Variants in NR6A1 observed in about 807,000 individuals in gnomAD.
NR6A1 encodes retinoic acid receptor-related testis-associated receptor.
Under a neutral mutation model 59.1 loss-of-function variants are expected in NR6A1, and 7 were observed. The ratio of observed to expected loss-of-function variants is 0.12; its 90% CI spans 0.07 to 0.22. The LOEUF (loss-of-function observed/expected upper bound fraction) is 0.22, where lower values mean the gene tolerates loss of function less well. Among genes scored for constraint, NR6A1 ranks in the 10% least tolerant of loss-of-function variants. NR6A1 has a pLI of 1.00. For missense variants in NR6A1, 468 were observed against 611.6 expected, an observed-to-expected ratio of 0.77 and a Z score of 2.48; for synonymous variants, 243 against 236.1, an observed-to-expected ratio of 1.03 and a Z score of -0.27.
intron 2 of NR6A1, among the ~76,000 whole-genome samples, chr9:124,671,865 A>C (rs1468533028): frequency 6.6e-6 from 1 of 152,220 alleles, no homozygotes; most frequent in Non-Finnish European, 1.5e-5. Flanking sequence ...CATCTCAAAC[A>C]GTTCAACGAA....
Position 124,715,508 on chromosome 9 carries a change from C to T in NR6A1, c.142+17800G>A, listed in dbSNP as rs562482204. On this transcript the variant is annotated intron_variant, in intron 2 of 9. Coordinates refer to ENST00000487099, the MANE Select transcript of NR6A1 (RefSeq NM_033334.4). ...TATGGATTGCACCACTGTACTCCAG[C>T]CTCAGTAACAGAGTGAGACCTAGTC... Among the ~76,000 whole-genome samples, 11 of 152,080 alleles carry T rather than the reference C, an allele frequency of 7.2e-5. 1 individual carries two copies. Among genetic ancestry groups the T allele is most frequent in the Admixed American group, 5.2e-4 (8 of 15,254 alleles).
At chr9:124,589,314 CG>C (rs1406593937) in intron 2 of NR6A1, among the ~76,000 whole-genome samples, 2 of 150,662 alleles carry the variant, frequency 1.3e-5, no homozygotes, top group African/African-American at 2.4e-5. Context: ...GGCGCGGTGG[CG>C]GGCGCCTGTA....
intron 2 of NR6A1, among the ~76,000 whole-genome samples, chr9:124,603,396 C>A (rs139574695): frequency 5.9e-5 from 9 of 152,262 alleles, no homozygotes; most frequent in African/African-American, 1.9e-4. Context: ...TCTTACCTCA[C>A]GACAGGTTTT....
intron 3 of NR6A1, among the ~76,000 whole-genome samples, chr9:124,553,349 A>G (rs1205433072): frequency 6.6e-6 from 1 of 152,124 alleles, no homozygotes; most frequent in Non-Finnish European, 1.5e-5. Context: ...CTCTGTGCCA[A>G]CAGCTCCATG....
At chr9:124,715,334 A>G (rs1839385716) in intron 2 of NR6A1, among the ~76,000 whole-genome samples, 2 of 152,000 alleles carry the variant, frequency 1.3e-5, no homozygotes, top group Admixed American at 1.3e-4. Context: ...ACCAGCCTGG[A>G]CAACATAGTG....
chr9:124,731,815 G>A (rs1201178306), intron 2 of NR6A1, among the ~76,000 whole-genome samples: 1 of 152,060 alleles, frequency 6.6e-6, no homozygotes, highest in African/African-American at 2.4e-5. Flanking sequence ...TTAATCTACT[G>A]ATTATGTTAT....
chr9:124,576,887 T>C (rs1834614344), intron 2 of NR6A1, among the ~76,000 whole-genome samples: 1 of 152,006 alleles, frequency 6.6e-6, no homozygotes, highest in Admixed American at 6.6e-5. Context: ...GGAGACGCCA[T>C]CTCTATAAAA....
At chr9:124,658,861 C>T (rs1293355408) in intron 2 of NR6A1, 4 of 151,672 alleles carry the variant, frequency 2.6e-5, no homozygotes, top group South Asian at 2.1e-4. Context: ...TGGATTTTTT[C>T]GTCTCATTTC....
rs527288258 is a variant in NR6A1 at position 124,554,043 on chromosome 9, A to G, written c.385+285T>C. ...TTCTACTTCTGTCATCATTCCTGAA[A>G]TAACTAGTGAAGTATATTAATCCCA... On this transcript the variant is annotated intron_variant, in intron 3 of 9. Transcript: ENST00000487099. 2.5e-4 allele frequency among the ~76,000 whole-genome samples: 38 copies of G among 152,300 alleles called. No homozygotes were observed. The South Asian group carries it at 7.1e-3, about 28-fold the overall frequency.
chr9:124,611,265 G>C (rs145663709), intron 2 of NR6A1, among the ~76,000 whole-genome samples: 1,665 of 151,932 alleles, frequency 0.011, 31 homozygotes, highest in African/African-American at 0.038. Flanking sequence ...CATAGGCCCA[G>C]CAAACCTAGC....
intron 4 of NR6A1, among the ~76,000 whole-genome samples, chr9:124,543,465 C>T (rs1042477457): frequency 6.6e-6 from 1 of 152,112 alleles, no homozygotes; most frequent in Non-Finnish European, 1.5e-5. Context: ...ATGAACAAAG[C>T]AAAGTAGTCT....
chr9:124,600,951 GA>G (rs201488136), intron 2 of NR6A1, among the ~76,000 whole-genome samples: 2,592 of 124,856 alleles, frequency 0.021, 32 homozygotes, highest in African/African-American at 0.04. Context: ...GGCTGTGGGG[GA>G]AAAAAAAAAA....
intron 5 of NR6A1, 35 bp downstream of exon 5, chr9:124,539,998 C>CTT (rs1554725400): frequency 1.3e-6 from 2 of 1,568,702 alleles, no homozygotes; most frequent in South Asian, 1.2e-5. Context: ...TGGGGGATCC[C>CTT]TAGATGATGA....
At chr9:124,663,364 T>C (rs1837504978) in intron 2 of NR6A1, among the ~76,000 whole-genome samples, 1 of 152,196 alleles carries the variant, frequency 6.6e-6, no homozygotes, top group Non-Finnish European at 1.5e-5. Flanking sequence ...TCTCAGCCTA[T>C]CTTATGCCTG....
At chr9:124,684,873 G>A (rs1838280836) in intron 2 of NR6A1, among the ~76,000 whole-genome samples, 1 of 152,046 alleles carries the variant, frequency 6.6e-6, no homozygotes, top group South Asian at 2.1e-4. Flanking sequence ...CCAAGTCAAT[G>A]GTCCATTTAC....
chr9:124,729,294 T>C (rs1245013266), intron 2 of NR6A1, among the ~76,000 whole-genome samples: 1 of 152,238 alleles, frequency 6.6e-6, no homozygotes, highest in Non-Finnish European at 1.5e-5. Context: ...ACTTTTCTGG[T>C]ATGTTTATGG....
At chr9:124,599,362 T>C (rs929305706) in intron 2 of NR6A1, 89 of 352,062 alleles carry the variant, frequency 2.5e-4, no homozygotes, top group African/African-American at 2.0e-3. Flanking sequence ...GAGGTTGCAG[T>C]GAGCCGAGAT....
intron 2 of NR6A1, among the ~76,000 whole-genome samples, chr9:124,659,415 G>A (rs1837361303): frequency 6.6e-6 from 1 of 152,236 alleles, no homozygotes; most frequent in Non-Finnish European, 1.5e-5. Context: ...CTCTGAAGCA[G>A]TCTTGCCAGA....
rs764351716 is a variant in NR6A1 at position 124,543,788 on chromosome 9, G to A, written c.441+14C>T. The A allele has an allele frequency of 1.2e-6, 2 of 1,610,998 alleles. No homozygotes were observed. Among genetic ancestry groups the A allele is most frequent in the South Asian group, 1.1e-5 (1 of 90,508 alleles). ...TTCCAGGACGGACCACAGAGACTGA[G>A]GTCTAGAACTCACCTGGACTGGCCC... is the stretch of plus-strand genomic sequence containing the variant. On this transcript the variant is annotated intron_variant, in intron 4 of 9. Coordinates refer to ENST00000487099, the MANE Select transcript of NR6A1 (RefSeq NM_033334.4).
Sources: allele counts gnomAD v4.1 joint callset (sites outside exome capture counted in the v4.1 genomes callset), GRCh38; gene constraint gnomAD v4.1.1; transcripts MANE v1.5; gene names NCBI Gene and HGNC (gene_info 2026-07-23, HGNC 2026-07-21).